SNX27: variants seen among roughly 807,000 people sequenced by gnomAD.
SNX27 encodes sorting nexin-27.
Under a neutral mutation model 71.6 loss-of-function variants are expected in SNX27, and 22 were observed. The ratio of observed to expected loss-of-function variants is 0.31; its 90% confidence interval spans 0.22 to 0.44. The LOEUF (loss-of-function observed/expected upper bound fraction) is 0.44, where lower values mean the gene tolerates loss of function less well. Among genes scored for constraint, SNX27 ranks in the 20% least tolerant of loss-of-function variants. The pLI, the probability that SNX27 is intolerant of heterozygous loss-of-function variation, is 1.00. For missense variants in SNX27, 531 were observed against 698.6 expected (o/e 0.76, Z 2.70); for synonymous variants, 269 against 277.2 (o/e 0.97, Z 0.29).
chr1:151,648,178 T>C (rs1366367512), intron 2 of SNX27, among the ~76,000 whole-genome samples: 5 of 151,998 alleles, frequency 3.3e-5, no homozygotes, highest in African/African-American at 1.2e-4. Flanking sequence ...CTCAACCTCC[T>C]GAGTAGCTGT....
rs1671850907 is a variant in SNX27 at position 151,697,891 on chromosome 1, A to C, written c.*3474A>C. 6.6e-6 allele frequency: 1 copy of C among 152,354 alleles called. No homozygotes were observed. Among genetic ancestry groups the C allele is most frequent in the Non-Finnish European group, 1.5e-5 (1 of 68,040 alleles). 9.4% of individuals were successfully genotyped at this position (152,354 alleles called of 1,614,324 possible). On this transcript the variant is annotated 3_prime_UTR_variant, in exon 12 of 12. Transcript: ENST00000458013. ...TGGCCTTCCTCCACACTTGGTTTCTATCCTCAGGGGTAGAAGCTCAGAGCT... is the reference window on the plus strand; with the variant it reads ...TGGCCTTCCTCCACACTTGGTTTCTCTCCTCAGGGGTAGAAGCTCAGAGCT...
intron 11 of SNX27, 196 bp downstream of exon 11, chr1:151,693,679 A>G: frequency 6.2e-7 from 1 of 1,612,278 alleles, no homozygotes; most frequent in Non-Finnish European, 8.5e-7. Flanking sequence ...GGGCTGTGCA[A>G]AAAAGCCCTG....
Position 151,687,180 on chromosome 1 carries a change from T to C in SNX27, c.1239+3735T>C, listed in dbSNP as rs557300078. 1.8e-4 allele frequency among the ~76,000 whole-genome samples: 28 copies of C among 152,362 alleles called. No homozygotes were observed. In the South Asian group the frequency reaches 5.6e-3, roughly 30 times the overall value. On this transcript the variant is annotated intron_variant, in intron 8 of 11. Coordinates refer to ENST00000458013, the MANE Select transcript of SNX27 (RefSeq NM_001330723.2). ...ACAAACAGTAGACATGTGTAAATTA[T>C]GCTTTTCTTATGTTGAAGTGGCCTG...
intron 2 of SNX27, among the ~76,000 whole-genome samples, chr1:151,651,343 C>G (rs558371390): frequency 6.6e-6 from 1 of 150,896 alleles, no homozygotes; most frequent in Admixed American, 6.6e-5. Context: ...CCCCCCCCAC[C>G]TCCCTCCCGG....
chr1:151,675,810 C>CTTTTTTTTTTTTTTTTTTTTTTTT lies in SNX27; in HGVS notation c.1149+7187_1149+7210dup, dbSNP rs57260474. The CTTTTTTTTTTTTTTTTTTTTTTTT allele has an allele frequency of 1.6e-4, 5 of 31,480 alleles. 1 individual carries two copies. Among genetic ancestry groups the CTTTTTTTTTTTTTTTTTTTTTTTT allele is most frequent in the Non-Finnish European group, 1.2e-4 (2 of 16,760 alleles). 2.0% of individuals were successfully genotyped at this position (31,480 alleles called of 1,614,324 possible). ...CCCTCCCTTCCTTCTTTCTTTCTTT[C>CTTTTTTTTTTTTTTTTTTTTTTTT]TTTTTTTTTTTTTTTTTTTTTTTTT... On this transcript the variant is annotated intron_variant, in intron 7 of 11. Transcript: ENST00000458013.
At chr1:151,653,836 GTT>G (rs60604221) in intron 2 of SNX27, among the ~76,000 whole-genome samples, 3 of 129,740 alleles carry the variant, frequency 2.3e-5, no homozygotes, top group African/African-American at 8.7e-5. Flanking sequence ...AGTTTTTTTT[GTT>G]TTTTTTTTTT....
intron 1 of SNX27, among the ~76,000 whole-genome samples, chr1:151,615,224 A>G (rs1667374790): frequency 6.6e-6 from 1 of 152,206 alleles, no homozygotes; most frequent in Non-Finnish European, 1.5e-5. Flanking sequence ...CACTCTTCCA[A>G]CTATCTGTAT....
chr1:151,662,356 T>C, intron 5 of SNX27, 86 bp downstream of exon 5: 1 of 766,160 alleles, frequency 1.3e-6, no homozygotes, highest in Admixed American at 2.3e-5. Context: ...TATAAAGTGC[T>C]TAGGGTGTCT....
At chr1:151,617,947 C>T (rs1405437293) in intron 1 of SNX27, among the ~76,000 whole-genome samples, 1 of 124,446 alleles carries the variant, frequency 8.0e-6, no homozygotes, top group Non-Finnish European at 1.6e-5. Flanking sequence ...TACTTGAATT[C>T]TGGGCTCAAG....
At chr1:151,654,817 A>G (rs1195119295) in intron 2 of SNX27, among the ~76,000 whole-genome samples, 5 of 152,200 alleles carry the variant, frequency 3.3e-5, no homozygotes, top group Non-Finnish European at 5.9e-5. Context: ...CACTGCCTCA[A>G]TAATGACATT....
At chr1:151,684,639 C>G (rs778472637) in intron 8 of SNX27, among the ~76,000 whole-genome samples, 1 of 152,040 alleles carries the variant, frequency 6.6e-6, no homozygotes, top group Non-Finnish European at 1.5e-5. Flanking sequence ...GGGTTACATC[C>G]CAATAAACAC....
chr1:151,618,682 T>C (rs1015709639), intron 1 of SNX27, among the ~76,000 whole-genome samples: 1 of 152,192 alleles, frequency 6.6e-6, no homozygotes, highest in African/African-American at 2.4e-5. Flanking sequence ...AGAGACTTAA[T>C]TGACAAGCAG....
At chr1:151,682,051 A>G (rs569178080) in intron 7 of SNX27, among the ~76,000 whole-genome samples, 2 of 151,128 alleles carry the variant, frequency 1.3e-5, no homozygotes, top group South Asian at 2.1e-4. Context: ...CATGTTTGCT[A>G]TTTCATTGTA....
At chr1:151,692,671 G>T (rs989019630) in intron 9 of SNX27, 87 bp downstream of exon 9, 29 of 1,541,322 alleles carry the variant, frequency 1.9e-5, no homozygotes, top group Non-Finnish European at 2.5e-5. Context: ...CCATTTTAGG[G>T]GGAAATGAAA....
Position 151,658,434 on chromosome 1 carries a change from C to T in SNX27, c.736+7C>T. On this transcript the variant is annotated splice_region_variant and intron_variant, in intron 3 of 11. Coordinates refer to ENST00000458013, the MANE Select transcript of SNX27 (RefSeq NM_001330723.2). ...GAAGAATATCTAGAAAAAGGTAATC[C>T]AAACCATCAAACTCTACTATATTGA... The T allele has an allele frequency of 1.9e-6, 3 of 1,611,688 alleles. No homozygotes were observed. Among genetic ancestry groups the T allele is most frequent in the Non-Finnish European group, 1.7e-6 (2 of 1,178,786 alleles).
At chr1:151,629,899 A>T (rs78133549) in intron 1 of SNX27, among the ~76,000 whole-genome samples, 86,902 of 150,596 alleles carry the variant, frequency 0.58, 26,078 homozygotes, top group Non-Finnish European at 0.68. Flanking sequence ...ATATATATAT[A>T]TTTTTTTGTG....
intron 7 of SNX27, among the ~76,000 whole-genome samples, chr1:151,672,317 G>C (rs553540012): frequency 6.6e-6 from 1 of 152,202 alleles, no homozygotes; most frequent in African/African-American, 2.4e-5. Flanking sequence ...TTGTGTTTGT[G>C]AACCATCCTT....
rs1669929051 is a variant in SNX27, at chr1:151,660,794, A to G, written c.737-4A>G. 1.9e-6 allele frequency: 3 copies of G among 1,608,964 alleles called. No individual in the cohort carries two copies. The highest frequency in any genetic ancestry group is 2.6e-6 in the Non-Finnish European group (3 of 1,175,506). On this transcript the variant is annotated splice_region_variant and splice_polypyrimidine_tract_variant and intron_variant, in intron 3 of 11. Coordinates refer to ENST00000458013, the MANE Select transcript of SNX27 (RefSeq NM_001330723.2). ...ATGCCAGATTTTATCTTTATTTTCT[A>G]CAGTGTGTTCAATACGAGTAATTGG... is the stretch of plus-strand genomic sequence containing the variant.
chr1:151,668,707 C>G (rs1285243191), intron 7 of SNX27, 72 bp downstream of exon 7: 1 of 1,404,384 alleles, frequency 7.1e-7, no homozygotes. Flanking sequence ...TTTGCCAATT[C>G]CCTGTAAATC....
Sources: allele counts gnomAD v4.1 joint callset (sites outside exome capture counted in the v4.1 genomes callset), GRCh38; gene constraint gnomAD v4.1.1; transcripts MANE v1.5; gene names NCBI Gene and HGNC (gene_info 2026-07-23, HGNC 2026-07-21).